The following ZNF440 variants were observed in gnomAD, a reference collection of about 807,000 sequenced individuals.
ZNF440 encodes the protein zinc finger protein 440.
Under a neutral mutation model 49.7 loss-of-function variants are expected in ZNF440, and 47 were observed. The observed-to-expected ratio is 0.95, with a 90% CI of 0.75 to 1.21. ZNF440 has a LOEUF of 1.21. ZNF440 is among the 50% of genes most tolerant of loss of function. The probability of loss-of-function intolerance (pLI) is 0.00; values close to 1 mark genes in which losing one functional copy is unlikely to be tolerated. For missense variants in ZNF440, 703 were observed against 715.0 expected (o/e 0.98, Z 0.19); for synonymous variants, 255 against 237.7 (o/e 1.07, Z -0.67).
Position 11,831,834 on chromosome 19 carries a change from A to G in ZNF440, c.658A>G (p.Arg220Gly). ...HCLRLYLIHE[R>G]IHTGEKPCEC... ...TCTCAGATTATATCTTATCCATGAA[A>G]GAATTCACACTGGAGAGAAACCATG... is the stretch of plus-strand genomic sequence containing the variant. Residue 220 changes from arginine (R) to glycine (G), a missense_variant, in exon 4 of 4, where the codon AGA becomes GGA. Arg to Gly is a moderately radical substitution (Grantham distance 125). Coordinates refer to ENST00000304060, the MANE Select transcript of ZNF440 (RefSeq NM_152357.3). 1 of 1,609,280 alleles carries G rather than the reference A, an allele frequency of 6.2e-7. No homozygotes were observed. Among genetic ancestry groups the G allele is most frequent in the Non-Finnish European group, 8.5e-7 (1 of 1,176,430 alleles).
intron 1 of ZNF440, among the ~76,000 whole-genome samples, chr19:11,819,908 A>G (rs561746010): frequency 6.6e-6 from 1 of 152,018 alleles, no homozygotes; most frequent in Non-Finnish European, 1.5e-5. Context: ...TCTTATTTAA[A>G]TTTTTTCACA....
In ZNF440 at chr19:11,828,192, G is replaced by C. The variant is rs561277648; in HGVS notation, c.4-2091G>C. The stretch of plus-strand genomic sequence containing the variant: ...TGCCTCTATTAAGGACATTCTTGTG[G>C]TGTTTTGTTTGTTTGTTTAAAGATA... On this transcript the variant is annotated intron_variant, in intron 1 of 3. Transcript: ENST00000304060. Among the ~76,000 whole-genome samples, 9 of 152,154 alleles carry C rather than the reference G, an allele frequency of 5.9e-5. No homozygotes were observed. In the South Asian group the frequency reaches 1.9e-3, roughly 32 times the overall value.
chr19:11,832,379 T>C lies in ZNF440; in HGVS notation c.1203T>C (p.Cys401=). The C allele has an allele frequency of 6.2e-7, 1 of 1,613,632 alleles. No individual in the cohort carries two copies. Among genetic ancestry groups the C allele is most frequent in the Non-Finnish European group, 8.5e-7 (1 of 1,179,774 alleles). ...AGAAACCCTATGAGTGTAAGCAATG[T>C]GGGAAAGCCTTCAGATCTGCCTCAC... The part of the protein sequence containing the change: ...TGEKPYECKQ[C]GKAFRSASHL... The change falls in exon 4 of 4, where the codon TGT becomes TGC. Residue 401 remains cysteine (C), a synonymous_variant. Transcript: ENST00000304060.
At chr19:11,820,583 C>A (rs2685671) in intron 1 of ZNF440, among the ~76,000 whole-genome samples, 121 of 152,250 alleles carry the variant, frequency 7.9e-4, no homozygotes, top group African/African-American at 2.9e-3. Context: ...GACTCAAAAT[C>A]CCCACGACTG....
intron 1 of ZNF440, 91 bp downstream of exon 1, chr19:11,814,541 C>A (rs1975708226): frequency 2.2e-6 from 3 of 1,340,550 alleles, no homozygotes; most frequent in East Asian, 3.1e-5. Context: ...CTCCACGCGG[C>A]GACTCCGGGG....
At chr19:11,822,139 C>T (rs1975807521) in intron 1 of ZNF440, among the ~76,000 whole-genome samples, 1 of 152,182 alleles carries the variant, frequency 6.6e-6, no homozygotes, top group Non-Finnish European at 1.5e-5. Flanking sequence ...TGGTCTGTAC[C>T]ATCCATGTGG....
At position 11,824,996 on chromosome 19, in the gene ZNF440, C is replaced by T. The variant is rs868419205; in HGVS notation, c.4-5287C>T. On this transcript the variant is annotated intron_variant, in intron 1 of 3. Transcript: ENST00000304060. ...TGCTGGGATTACAGGCGTGAGCCACCGTACCCAGCATAGTTCCCCCTATTC... is the reference window on the plus strand; with the variant it reads ...TGCTGGGATTACAGGCGTGAGCCACTGTACCCAGCATAGTTCCCCCTATTC... 1.3e-4 allele frequency among the ~76,000 whole-genome samples: 19 copies of T among 151,896 alleles called. No homozygotes were observed. The South Asian group carries it at 1.5e-3, about 12-fold the overall frequency.
chr19:11,825,059 T>C (rs1975846583), intron 1 of ZNF440, among the ~76,000 whole-genome samples: 1 of 152,018 alleles, frequency 6.6e-6, no homozygotes, highest in Non-Finnish European at 1.5e-5. Flanking sequence ...GCCTTATACC[T>C]GTAATCCTAC....
chr19:11,819,070 G>A (rs1174910448), intron 1 of ZNF440, among the ~76,000 whole-genome samples: 1 of 152,092 alleles, frequency 6.6e-6, no homozygotes, highest in Admixed American at 6.5e-5. Context: ...CACTTTGGGA[G>A]GCCAAGGCAG....
rs1975944869 is a variant in ZNF440 at position 11,831,804 on chromosome 19, C to T, written c.628C>T (p.His210Tyr). The T allele has an allele frequency of 6.2e-7, 1 of 1,609,182 alleles. No individual in the cohort carries two copies. The highest frequency in any genetic ancestry group is 2.2e-5 in the East Asian group (1 of 44,732). ...YKCKFCGKAF[H>Y]CLRLYLIHER... is the part of the protein sequence containing the mutation. Reference sequence around the variant, plus strand: ...ATGTAAGTTTTGTGGGAAAGCATTCCATTGTCTCAGATTATATCTTATCCA... The same window carrying T: ...ATGTAAGTTTTGTGGGAAAGCATTCTATTGTCTCAGATTATATCTTATCCA... Residue 210 changes from histidine (H) to tyrosine (Y), a missense_variant, in exon 4 of 4, where the codon CAT becomes TAT. Transcript: ENST00000304060.
intron 1 of ZNF440, among the ~76,000 whole-genome samples, chr19:11,827,092 C>G (rs558029315): frequency 7.0e-6 from 1 of 142,660 alleles, no homozygotes; most frequent in South Asian, 2.2e-4. Flanking sequence ...GAGACTGAGT[C>G]TGGCTCTGTC....
Position 11,832,313 on chromosome 19 carries a change from T to C in ZNF440, c.1137T>C (p.His379=), listed in dbSNP as rs1975956515. 11 of 1,614,166 alleles carry C rather than the reference T, an allele frequency of 6.8e-6. No homozygotes were observed. The highest frequency in any genetic ancestry group is 9.3e-6 in the Non-Finnish European group (11 of 1,180,036). ...AGCAGTGTGGTAAAGCCTTCCCTCA[T>C]TCCAGTTCCCTTCGATATCATGAAA... ...KCKQCGKAFP[H]SSSLRYHERT... is the part of the protein sequence containing the mutation. The change falls in exon 4 of 4, where the codon CAT becomes CAC. Residue 379 remains histidine, a synonymous_variant. Coordinates refer to ENST00000304060, the MANE Select transcript of ZNF440 (RefSeq NM_152357.3).
chr19:11,820,902 G>A (rs1975791747), intron 1 of ZNF440, among the ~76,000 whole-genome samples: 1 of 152,172 alleles, frequency 6.6e-6, no homozygotes, highest in African/African-American at 2.4e-5. Flanking sequence ...CAACGGGGTG[G>A]AGCAATAGCC....
chr19:11,825,817 CTTT>C (rs74180041), intron 1 of ZNF440, among the ~76,000 whole-genome samples: 1 of 131,446 alleles, frequency 7.6e-6, no homozygotes, highest in Non-Finnish European at 1.6e-5. Context: ...CTTTTCTTTT[CTTT>C]TTTTTTTTTT....
At chr19:11,816,291 G>A (rs1025255002) in intron 1 of ZNF440, 1 of 152,210 alleles carries the variant, frequency 6.6e-6, no homozygotes. Flanking sequence ...GCTGAAGGAA[G>A]GGGGTCTGTT....
intron 1 of ZNF440, among the ~76,000 whole-genome samples, chr19:11,815,327 AAT>A (rs1975720404): frequency 1.5e-5 from 1 of 68,280 alleles, no homozygotes; most frequent in South Asian, 3.7e-4. Context: ...CACACACACA[AAT>A]TAAATAGGGT....
At position 11,832,935 on chromosome 19, in the gene ZNF440, G is replaced by C; in HGVS notation, c.1759G>C (p.Glu587Gln). 1 of 1,608,570 alleles carries C rather than the reference G, an allele frequency of 6.2e-7. No individual in the cohort carries two copies. The change falls in exon 4 of 4, where the codon GAA becomes CAA. Residue 587 changes from glutamate to glutamine, a missense_variant. Coordinates refer to ENST00000304060, the MANE Select transcript of ZNF440 (RefSeq NM_152357.3). ...GNPSDLPRTFEFMKGHKHT is the reference protein window; with the variant it reads ...GNPSDLPRTFQFMKGHKHT ...CCCTTCGGATCTGCCCAGAACCTTC[G>C]AATTCATGAAAGGACACAAACACAC...
chr19:11,831,727 A>G lies in ZNF440; in HGVS notation c.551A>G (p.His184Arg). ...CKVCGKTFIS[H>R]SSVRRHMVMH... The stretch of plus-strand genomic sequence containing the variant: ...GTATGTGGAAAAACCTTTATTTCCC[A>G]TTCAAGTGTTCGAAGACACATGGTA... Residue 184 changes from histidine to arginine, a missense_variant, in exon 4 of 4, where the codon CAT becomes CGT. By Grantham distance (29) the His-to-Arg change is conservative. Coordinates refer to ENST00000304060, the MANE Select transcript of ZNF440 (RefSeq NM_152357.3). 6.2e-7 allele frequency: 1 copy of G among 1,614,044 alleles called. No homozygotes were observed. The highest frequency in any genetic ancestry group is 8.5e-7 in the Non-Finnish European group (1 of 1,179,994).
rs75385955 is a variant in ZNF440, at chr19:11,821,484, G to A, written c.3+7034G>A. Among the ~76,000 whole-genome samples, 19 of 152,286 alleles carry A rather than the reference G, an allele frequency of 1.2e-4. 1 individual carries two copies. The East Asian group carries it at 3.3e-3, about 26-fold the overall frequency. ...AAAAGAGAAATGCTTCCTGTCCTCT[G>A]GATTGTGTCAACTGTGAAGGGAGAC... On this transcript the variant is annotated intron_variant, in intron 1 of 3. Coordinates refer to ENST00000304060, the MANE Select transcript of ZNF440 (RefSeq NM_152357.3).
Sources: gnomAD v4.1 joint callset for allele counts (sites outside exome capture counted in the v4.1 genomes callset) on GRCh38, gnomAD v4.1.1 for gene constraint, MANE v1.5 for transcripts, NCBI Gene and HGNC (gene_info 2026-07-23, HGNC 2026-07-21) for gene names.